The following UBB variants were observed in gnomAD, a reference collection of about 807,000 sequenced individuals.
UBB encodes polyubiquitin-B.
In UBB, 11 loss-of-function variants were observed where a neutral mutation model predicts 12.5. The ratio of observed to expected loss-of-function variants is 0.88; its 90% confidence interval spans 0.55 to 1.45. The LOEUF is 1.45. Among genes scored for constraint, UBB ranks in the 40% most tolerant of loss-of-function variants. The pLI is 0.00. For missense variants in UBB, 76 were observed against 286.9 expected, an observed-to-expected ratio of 0.26 and a Z score of 5.31; for synonymous variants, 168 against 120.1, an observed-to-expected ratio of 1.40 and a Z score of -2.61.
Position 16,381,934 on chromosome 17 carries a change from C to A in UBB, c.27C>A (p.Thr9=). Reference sequence around the variant, plus strand: ...TGCAGATCTTCGTGAAAACCCTTACCGGCAAGACCATCACCCTTGAGGTGG... The same window carrying A: ...TGCAGATCTTCGTGAAAACCCTTACAGGCAAGACCATCACCCTTGAGGTGG... MQIFVKTL[T]GKTITLEVEP... is the part of the protein sequence containing the mutation. Residue 9 remains threonine, a synonymous_variant, in exon 2 of 2, where the codon ACC becomes ACA. Coordinates refer to ENST00000302182, the MANE Select transcript of UBB (RefSeq NM_018955.4). 1 of 1,614,186 alleles carries A rather than the reference C, an allele frequency of 6.2e-7. No individual in the cohort carries two copies. Among genetic ancestry groups the A allele is most frequent in the African/African-American group, 1.3e-5 (1 of 75,038 alleles).
Position 16,382,555 on chromosome 17 carries a change from G to C in UBB, c.648G>C (p.Glu216Asp). 1 of 1,613,940 alleles carries C rather than the reference G, an allele frequency of 6.2e-7. No individual in the cohort carries two copies. The highest frequency in any genetic ancestry group is 8.5e-7 in the Non-Finnish European group (1 of 1,179,882). The change falls in exon 2 of 2, where the codon GAG becomes GAC. Residue 216 changes from glutamate to aspartate, a missense_variant. Physicochemically the swap from Glu to Asp is conservative, Grantham distance 45. Transcript: ENST00000302182. Reference sequence around the variant, plus strand: ...TTTCTGACTACAACATCCAGAAAGAGTCGACCCTGCACCTGGTCCTGCGCC... The same window carrying C: ...TTTCTGACTACAACATCCAGAAAGACTCGACCCTGCACCTGGTCCTGCGCC... Reference protein sequence around the residue: ...RTLSDYNIQKESTLHLVLRLR... With the variant: ...RTLSDYNIQKDSTLHLVLRLR...
At position 16,382,327 on chromosome 17, in the gene UBB, G is replaced by A. The variant is rs1298852026; in HGVS notation, c.420G>A (p.Glu140=). The change falls in exon 2 of 2, where the codon GAG becomes GAA. Residue 140 remains glutamate, a synonymous_variant. Transcript: ENST00000302182. The part of the protein sequence containing the change: ...RTLSDYNIQK[E]STLHLVLRLR... The stretch of plus-strand genomic sequence containing the variant: ...TTTCTGACTACAACATCCAGAAGGA[G>A]TCGACCCTGCACCTGGTCCTGCGTC... 1.9e-6 allele frequency: 3 copies of A among 1,604,392 alleles called. No homozygotes were observed. The highest frequency in any genetic ancestry group is 1.7e-5 in the Admixed American group (1 of 58,776).
chr17:16,381,916 C>T lies in UBB; in HGVS notation c.9C>T (p.Ile3=), dbSNP rs772605832. MQ[I]FVKTLTGKTI... is the part of the protein sequence containing the mutation. ...TTTTAAACTAGGTCAAAATGCAGAT[C>T]TTCGTGAAAACCCTTACCGGCAAGA... Residue 3 remains isoleucine, a synonymous_variant, in exon 2 of 2, where the codon ATC becomes ATT. Transcript: ENST00000302182. The T allele has an allele frequency of 2.6e-5, 42 of 1,614,070 alleles. No individual in the cohort carries two copies. Among genetic ancestry groups the T allele is most frequent in the South Asian group, 2.1e-4 (19 of 91,082 alleles).
At position 16,382,243 on chromosome 17, in the gene UBB, C is replaced by A; in HGVS notation, c.336C>A (p.Ile112=). Residue 112 remains isoleucine, a synonymous_variant, in exon 2 of 2, where the codon ATC becomes ATA. Coordinates refer to ENST00000302182, the MANE Select transcript of UBB (RefSeq NM_018955.4). ...VKAKIQDKEG[I]PPDQQRLIFA... ...CCAAGATCCAGGATAAAGAAGGCAT[C>A]CCTCCCGACCAGCAGAGGCTCATCT... 6.2e-7 allele frequency: 1 copy of A among 1,609,308 alleles called. No individual in the cohort carries two copies. The highest frequency in any genetic ancestry group is 8.5e-7 in the Non-Finnish European group (1 of 1,179,132).
intron 1 of UBB, 158 bp from the exon 2 acceptor site, chr17:16,381,744 A>T: frequency 9.8e-7 from 1 of 1,020,946 alleles, no homozygotes; most frequent in Non-Finnish European, 1.4e-6. Flanking sequence ...TTTCGTATTA[A>T]GTGACTTAGC....
At chr17:16,380,880 G>A (rs1304470929), upstream of UBB, 1 of 153,778 alleles carries the variant, frequency 6.5e-6, no homozygotes, top group African/African-American at 2.4e-5. Context: ...AAAGAAGGAA[G>A]AGAAGCGCAT....
At position 16,382,685 on chromosome 17, in the gene UBB, G is replaced by A. The variant is rs1267756161; in HGVS notation, c.*88G>A. ...CCCAACTTAAGTTTAGAAATTACAA[G>A]TTTCAGTAATAGCTGAACCTGTTCA... On this transcript the variant is annotated 3_prime_UTR_variant, in exon 2 of 2. Coordinates refer to ENST00000302182, the MANE Select transcript of UBB (RefSeq NM_018955.4). 6.6e-7 allele frequency: 1 copy of A among 1,518,764 alleles called. No homozygotes were observed. The highest frequency in any genetic ancestry group is 1.4e-5 in the African/African-American group (1 of 72,080). 94.1% of individuals were successfully genotyped at this position (1,518,764 alleles called of 1,614,324 possible).
chr17:16,382,700 G>T lies in UBB; in HGVS notation c.*103G>T, dbSNP rs1215958908. ...GAAATTACAAGTTTCAGTAATAGCT[G>T]AACCTGTTCAAAATGTTAATAAAGG... is the stretch of plus-strand genomic sequence containing the variant. On this transcript the variant is annotated 3_prime_UTR_variant, in exon 2 of 2. Transcript: ENST00000302182. The T allele has an allele frequency of 5.0e-5, 72 of 1,445,450 alleles. No homozygotes were observed. Among genetic ancestry groups the T allele is most frequent in the Non-Finnish European group, 6.6e-5 (70 of 1,068,676 alleles). The allele number at this position is 1,445,450 out of a possible 1,614,324, so 89.5% of individuals were successfully genotyped here.
At chr17:16,381,042 A>AC (rs1420318862), upstream of UBB, 2 of 153,256 alleles carry the variant, frequency 1.3e-5, no homozygotes, top group African/African-American at 4.8e-5. Flanking sequence ...GAGGGGTGAT[A>AC]AGTGACGCAA....
At chr17:16,381,480 T>C (rs976713782) in intron 1 of UBB, 1 of 204,392 alleles carries the variant, frequency 4.9e-6, no homozygotes, top group Non-Finnish European at 1.0e-5. Context: ...GTGTGGTTTC[T>C]GGAAGCCTTT....
In UBB at chr17:16,382,517, G is replaced by C; in HGVS notation, c.610G>C (p.Asp204His). Reference sequence around the variant, plus strand: ...CATCTTTGCAGGCAAGCAGCTGGAAGATGGCCGCACTCTTTCTGACTACAA... The same window carrying C: ...CATCTTTGCAGGCAAGCAGCTGGAACATGGCCGCACTCTTTCTGACTACAA... ...RLIFAGKQLE[D>H]GRTLSDYNIQ... The change falls in exon 2 of 2, where the codon GAT becomes CAT. Residue 204 changes from aspartate (D) to histidine (H), a missense_variant. Transcript: ENST00000302182. The C allele has an allele frequency of 6.2e-7, 1 of 1,613,612 alleles. No individual in the cohort carries two copies. Among genetic ancestry groups the C allele is most frequent in the Non-Finnish European group, 8.5e-7 (1 of 1,179,868 alleles).
rs2093278206 is a variant in UBB at position 16,382,139 on chromosome 17, C to T, written c.232C>T (p.Gln78Ter). The T allele has an allele frequency of 6.2e-7, 1 of 1,608,022 alleles. No homozygotes were observed. The highest frequency in any genetic ancestry group is 8.5e-7 in the Non-Finnish European group (1 of 1,178,604). Residue 78 changes from glutamine (Q) to a stop codon, truncating the protein, a stop_gained, in exon 2 of 2, where the codon CAG (glutamine) becomes TAG (stop). Transcript: ENST00000302182. LOFTEE classifies it high-confidence loss of function. ...GGTCCTGCGTCTGAGAGGTGGTATG[C>T]AGATCTTCGTGAAGACCCTGACCGG... ...HLVLRLRGGMQIFVKTLTGKT... is the reference protein window; with the variant it reads ...HLVLRLRGGM
At chr17:16,380,892 G>C (rs1033677866), upstream of UBB, 6 of 153,744 alleles carry the variant, frequency 3.9e-5, no homozygotes, top group African/African-American at 1.4e-4. Flanking sequence ...GAAGCGCATA[G>C]AGGAGAAGGG....
intron 1 of UBB, 80 bp from the exon 2 acceptor site, chr17:16,381,822 A>G (rs2093276511): frequency 1.3e-6 from 2 of 1,498,076 alleles, no homozygotes; most frequent in Non-Finnish European, 1.8e-6. Context: ...AATAGTTGCT[A>G]ATTTTGAAGA....
chr17:16,381,835 A>G (rs2093276549), intron 1 of UBB, 67 bp from the exon 2 acceptor site: 2 of 1,552,096 alleles, frequency 1.3e-6, no homozygotes, highest in Middle Eastern at 1.8e-4. Flanking sequence ...TTTGAAGAAT[A>G]TTAGGTGTAA....
rs1281540229 is a variant in UBB, at chr17:16,381,091, A to G, written c.-100A>G. On this transcript the variant is annotated 5_prime_UTR_variant, in exon 1 of 2. Coordinates refer to ENST00000302182, the MANE Select transcript of UBB (RefSeq NM_018955.4). ...AATTTGCGCTCCGCCAGCCCGGAGC[A>G]TTTAGGGGCGGTTGGCTTTGTTGGG... is the stretch of plus-strand genomic sequence containing the variant. The G allele has an allele frequency of 6.5e-6, 1 of 153,192 alleles. No homozygotes were observed. Among genetic ancestry groups the G allele is most frequent in the Admixed American group, 6.6e-5 (1 of 15,244 alleles). The allele number at this position is 153,192 out of a possible 1,614,324, so 9.5% of individuals were successfully genotyped here. A position where few individuals can be genotyped will look rare whatever the true frequency, so the allele number is the denominator to read the frequency against.
intron 1 of UBB, 135 bp from the exon 2 acceptor site, chr17:16,381,766 GA>G: frequency 8.5e-7 from 1 of 1,174,402 alleles, no homozygotes; most frequent in Non-Finnish European, 1.2e-6. Context: ...TTGTAAAATT[GA>G]GGGGAGGCTT....
intron 1 of UBB, chr17:16,381,533 T>G (rs1348300599): frequency 3.8e-6 from 1 of 265,422 alleles, no homozygotes; most frequent in African/African-American, 2.2e-5. Flanking sequence ...TTCTTGTGTT[T>G]CAATGGGATT....
chr17:16,382,161 C>T lies in UBB; in HGVS notation c.254C>T (p.Thr85Ile). 6.2e-7 allele frequency: 1 copy of T among 1,607,850 alleles called. No homozygotes were observed. Reference sequence around the variant, plus strand: ...ATGCAGATCTTCGTGAAGACCCTGACCGGCAAGACCATCACCCTGGAAGTG... The same window carrying T: ...ATGCAGATCTTCGTGAAGACCCTGATCGGCAAGACCATCACCCTGGAAGTG... ...GGMQIFVKTL[T>I]GKTITLEVEP... The change falls in exon 2 of 2, where the codon ACC becomes ATC. Residue 85 changes from threonine (T) to isoleucine (I), a missense_variant. Thr to Ile is a moderately conservative substitution (Grantham distance 89). Coordinates refer to ENST00000302182, the MANE Select transcript of UBB (RefSeq NM_018955.4).
Sources: gnomAD v4.1 joint callset for allele counts on GRCh38, gnomAD v4.1.1 for gene constraint, MANE v1.5 for transcripts, NCBI Gene and HGNC (gene_info 2026-07-23, HGNC 2026-07-21) for gene names.